Variants in ZNF717 observed in about 807,000 individuals in gnomAD.
ZNF717 encodes krueppel-like factor X17.
In ZNF717, 9 loss-of-function variants were observed where a neutral mutation model predicts 13.8. The observed-to-expected ratio is 0.65, with a 90% CI of 0.39 to 1.14. The LOEUF is 1.14. ZNF717 is among the 50% of genes most tolerant of loss of function. ZNF717 has a pLI of 0.01. For synonymous variants in ZNF717, 327 were observed against 364.1 expected, an observed-to-expected ratio of 0.90 and a Z score of 1.16; for missense variants, 1,040 against 1,080.7, an observed-to-expected ratio of 0.96 and a Z score of 0.53.
At chr3:75,708,810 G>C (rs1175204089), downstream of ZNF717, among the ~76,000 whole-genome samples, 1 of 152,160 alleles carries the variant, frequency 6.6e-6, no homozygotes, top group Non-Finnish European at 1.5e-5. Context: ...ATTTATAAAT[G>C]AAAGAGGTTT....
intron 2 of ZNF717, among the ~76,000 whole-genome samples, chr3:75,756,772 T>C (rs1488574238): frequency 6.6e-6 from 1 of 152,216 alleles, no homozygotes; most frequent in Admixed American, 6.5e-5. Context: ...CCTCCCAAGT[T>C]CAAGCCATTC....
At chr3:75,732,604 T>C (rs1414145198), downstream of ZNF717, among the ~76,000 whole-genome samples, 4 of 152,238 alleles carry the variant, frequency 2.6e-5, no homozygotes, top group Non-Finnish European at 5.9e-5. Context: ...GCTGGCACCA[T>C]CTACGAGGAA....
rs73843015 is a variant in ZNF717 at position 75,739,141 on chromosome 3, T to A, written c.482A>T (p.Asp161Val). 3.4e-3 allele frequency: 4,042 copies of A among 1,195,742 alleles called. No homozygotes were observed. The highest frequency in any genetic ancestry group is 0.011 in the African/African-American group (640 of 57,234). 74.1% of individuals were successfully genotyped at this position (1,195,742 alleles called of 1,614,324 possible). The stretch of plus-strand genomic sequence containing the variant: ...AATAGGGAAAAGCATGTTCTGGCAA[T>A]CATTAAACTGCCCAGGCTTCATTCC... Reference protein sequence around the residue: ...SSGMKPGQFNDCQNMLFPIKP... With the variant: ...SSGMKPGQFNVCQNMLFPIKP... Residue 161 changes from aspartate to valine, a missense_variant, in exon 5 of 5, where the codon GAT (aspartate) becomes GTT (valine). Around this residue, in one of 3 missense-constraint regions of ZNF717, gnomAD observed 873 missense variants for 832.8 expected, o/e 1.05. Transcript: ENST00000652011.
chr3:75,778,682 A>C (rs550445710), intron 2 of ZNF717, among the ~76,000 whole-genome samples: 3 of 152,004 alleles, frequency 2.0e-5, no homozygotes, highest in Non-Finnish European at 2.9e-5. Context: ...CAAAAACCCA[A>C]AACAATGGGA....
At chr3:75,730,570 C>A in exon 6 of ZNF717, 1 of 699,940 alleles carries the variant, frequency 1.4e-6, no homozygotes, top group South Asian at 1.5e-5. Flanking sequence ...TAGGGATGTC[C>A]AATTGACAAT....
intron 2 of ZNF717, among the ~76,000 whole-genome samples, chr3:75,759,656 C>A (rs1942804470): frequency 6.6e-6 from 1 of 152,058 alleles, no homozygotes; most frequent in African/African-American, 2.4e-5. Context: ...GCAACCTCTG[C>A]CTCCCAGGTT....
At chr3:75,701,383 C>T (rs1370639707) in intron 6 of ZNF717, among the ~76,000 whole-genome samples, 1 of 152,286 alleles carries the variant, frequency 6.6e-6, no homozygotes, top group African/African-American at 2.4e-5. Flanking sequence ...ATAAATTATT[C>T]AGTCTTGCCA....
intron 1 of ZNF717, among the ~76,000 whole-genome samples, chr3:75,783,820 T>C (rs1197739888): frequency 6.6e-6 from 1 of 152,232 alleles, no homozygotes; most frequent in Non-Finnish European, 1.5e-5. Flanking sequence ...CTGAACATCA[T>C]GGAAAGTGCA....
intron 2 of ZNF717, among the ~76,000 whole-genome samples, chr3:75,762,140 T>TA (rs1943086431): frequency 6.6e-6 from 1 of 151,624 alleles, no homozygotes; most frequent in South Asian, 2.1e-4. Context: ...AAGAAATTTT[T>TA]AAAAAGAATG....
rs1439150076 is a variant in ZNF717 at position 75,738,320 on chromosome 3, T to A, written c.1303A>T (p.Lys435Ter). Residue 435 changes from lysine to a stop codon, truncating the protein, a stop_gained, in exon 5 of 5, where the codon AAG becomes TAG. Coordinates refer to ENST00000652011, the MANE Select transcript of ZNF717 (RefSeq NM_001290208.3). LOFTEE classifies it low-confidence loss of function (END_TRUNC). ...CTCTGATGGACAGTAAGCCTTGACT[T>A]ATGGCTAAATGCTTCTTCACAATGG... is the stretch of plus-strand genomic sequence containing the variant. ...CDHCEEAFSH[K>*]SRLTVHQRTH... 1 of 1,541,488 alleles carries A rather than the reference T, an allele frequency of 6.5e-7. No individual in the cohort carries two copies. The highest frequency in any genetic ancestry group is 1.4e-5 in the African/African-American group (1 of 72,780).
At chr3:75,718,444 G>T (rs1162786126) in intron 4 of ZNF717, among the ~76,000 whole-genome samples, 1 of 152,098 alleles carries the variant, frequency 6.6e-6, no homozygotes, top group Non-Finnish European at 1.5e-5. Flanking sequence ...ATTGTCCTGG[G>T]AGTCTAACTT....
downstream of ZNF717, among the ~76,000 whole-genome samples, chr3:75,726,262 A>G (rs1575725209): frequency 2.0e-5 from 3 of 152,360 alleles, no homozygotes; most frequent in African/African-American, 7.2e-5. Context: ...GCACATTTAG[A>G]TATTTTAGGA....
chr3:75,753,384 G>A (rs796551262), intron 2 of ZNF717, among the ~76,000 whole-genome samples: 4 of 140,358 alleles, frequency 2.8e-5, no homozygotes, highest in Non-Finnish European at 6.2e-5. Context: ...CCAGAACACT[G>A]CTGCTGTGGT....
chr3:75,718,397 G>A (rs1938099567), intron 4 of ZNF717, among the ~76,000 whole-genome samples: 2 of 152,306 alleles, frequency 1.3e-5, no homozygotes, highest in East Asian at 3.9e-4. Flanking sequence ...GACGTTGTCA[G>A]TTAAGAATAG....
chr3:75,717,693 G>GC (rs1938083733), intron 4 of ZNF717, among the ~76,000 whole-genome samples: 1 of 152,078 alleles, frequency 6.6e-6, no homozygotes, highest in African/African-American at 2.4e-5. Flanking sequence ...CCACAAAAAG[G>GC]CTACAGAGTC....
chr3:75,777,112 G>A (rs1431114062), intron 2 of ZNF717, among the ~76,000 whole-genome samples: 1 of 152,140 alleles, frequency 6.6e-6, no homozygotes, highest in Non-Finnish European at 1.5e-5. Context: ...AATGTCAAAT[G>A]GTATCTCTTC....
At chr3:75,756,716 C>T (rs138750892) in intron 2 of ZNF717, among the ~76,000 whole-genome samples, 150 of 152,026 alleles carry the variant, frequency 9.9e-4, no homozygotes, top group Non-Finnish European at 1.7e-3. Context: ...TTCTTCTTGC[C>T]CAAGCTAGAG....
intron 2 of ZNF717, among the ~76,000 whole-genome samples, chr3:75,759,663 G>A (rs76730772): frequency 6.6e-6 from 1 of 152,132 alleles, no homozygotes; most frequent in Non-Finnish European, 1.5e-5. Context: ...CTGCCTCCCA[G>A]GTTCAAGCAA....
chr3:75,777,551 C>T (rs1471918832), intron 2 of ZNF717, among the ~76,000 whole-genome samples: 3 of 146,868 alleles, frequency 2.0e-5, no homozygotes, highest in East Asian at 2.1e-4. Context: ...GGGCTAAAAC[C>T]TGAACCCAAA....
Sources: allele counts gnomAD v4.1 joint callset (sites outside exome capture counted in the v4.1 genomes callset), GRCh38; gene constraint gnomAD v4.1.1; regional missense constraint gnomAD v4.1.1; transcripts MANE v1.5; gene names NCBI Gene and HGNC (gene_info 2026-07-23, HGNC 2026-07-21).